Variants in RBFOX1 observed in about 807,000 individuals in gnomAD.
The protein encoded by RBFOX1 is RNA binding protein fox-1 homolog 1.
In RBFOX1, 8 loss-of-function variants were observed where a neutral mutation model predicts 57.7. That is an observed-to-expected ratio of 0.14 (90% confidence interval 0.08 to 0.25). RBFOX1 has a LOEUF of 0.25. RBFOX1 is among the 10% of genes least tolerant of loss of function. The pLI, the probability that RBFOX1 is intolerant of heterozygous loss-of-function variation, is 1.00. For synonymous variants in RBFOX1, 326 were observed against 222.4 expected (o/e 1.47, Z -4.15); for missense variants, 611 against 548.5 (o/e 1.11, Z -1.14).
chr16:6,887,888 C>T (rs1056528799), intron 3 of RBFOX1, among the ~76,000 whole-genome samples: 2 of 152,094 alleles, frequency 1.3e-5, no homozygotes, highest in African/African-American at 4.8e-5. Context: ...TCTCGAACTC[C>T]AGACTTCAAG....
At chr16:6,101,572 C>T (rs1268136055) in intron 1 of RBFOX1, among the ~76,000 whole-genome samples, 1 of 152,064 alleles carries the variant, frequency 6.6e-6, no homozygotes, top group Admixed American at 6.5e-5. Context: ...CTGCAACCTC[C>T]ACCTCCCAGG....
chr16:5,817,806 G>A (rs1386261642), intron 3 of RBFOX1, among the ~76,000 whole-genome samples: 1 of 151,258 alleles, frequency 6.6e-6, no homozygotes, highest in Admixed American at 6.6e-5. Flanking sequence ...CCATTCTCCT[G>A]CCTCAGCCTC....
rs1218678054 is a variant in RBFOX1 at position 5,816,984 on chromosome 16, C to G, written c.319-50319C>G. Among the ~76,000 whole-genome samples, 11 of 152,192 alleles carry G rather than the reference C, an allele frequency of 7.2e-5. No individual in the cohort carries two copies. In the East Asian group the frequency reaches 1.7e-3, roughly 24 times the overall value. ...TTTTGGGATCCAAACAAAAATATTT[C>G]TTCTGTCAGTCTCTCCTCTCATGCA... On this transcript the variant is annotated intron_variant, in intron 3 of 19. Coordinates refer to the RBFOX1 transcript ENST00000641259.
At chr16:6,872,416 C>T (rs186812554) in intron 3 of RBFOX1, among the ~76,000 whole-genome samples, 2 of 152,118 alleles carry the variant, frequency 1.3e-5, no homozygotes, top group East Asian at 3.9e-4. Flanking sequence ...AATCGATCAC[C>T]TTTTAACACT....
intron 1 of RBFOX1, among the ~76,000 whole-genome samples, chr16:5,421,612 C>T (rs1410936453): frequency 2.6e-5 from 4 of 152,152 alleles, no homozygotes; most frequent in East Asian, 1.9e-4. Context: ...AAATCAATCA[C>T]CCCCACCCCG....
chr16:5,587,334 C>T (rs1037551002), intron 2 of RBFOX1, among the ~76,000 whole-genome samples: 8 of 152,152 alleles, frequency 5.3e-5, no homozygotes, highest in Non-Finnish European at 1.2e-4. Flanking sequence ...AAAAGATGCT[C>T]GACATCGTCA....
At chr16:7,103,665 T>A (rs905633517) in intron 4 of RBFOX1, among the ~76,000 whole-genome samples, 1 of 152,212 alleles carries the variant, frequency 6.6e-6, no homozygotes, top group African/African-American at 2.4e-5. Context: ...ATGTCTTGTT[T>A]ACATAATAAA....
At chr16:5,564,832 A>G (rs757668583) in intron 2 of RBFOX1, among the ~76,000 whole-genome samples, 59 of 152,170 alleles carry the variant, frequency 3.9e-4, no homozygotes, top group Admixed American at 3.9e-4. Context: ...TCTCTGGTGG[A>G]TGCCATCATC....
chr16:5,462,883 G>C (rs1168941663), intron 1 of RBFOX1, among the ~76,000 whole-genome samples: 1 of 152,076 alleles, frequency 6.6e-6, no homozygotes, highest in Non-Finnish European at 1.5e-5. Context: ...CGAGCCCCAC[G>C]ACAAAGAATA....
At chr16:7,634,960 CA>C (rs1379976038) in intron 11 of RBFOX1, among the ~76,000 whole-genome samples, 1 of 152,214 alleles carries the variant, frequency 6.6e-6, no homozygotes, top group African/African-American at 2.4e-5. Context: ...AGAAACAATT[CA>C]ACCCCTTAAC....
At chr16:6,568,402 C>G (rs1376850166) in intron 2 of RBFOX1, among the ~76,000 whole-genome samples, 1 of 152,080 alleles carries the variant, frequency 6.6e-6, no homozygotes, top group Non-Finnish European at 1.5e-5. Context: ...GGATGGCTCT[C>G]TACCAAATTG....
At chr16:7,614,689 G>A (rs1568104670) in intron 10 of RBFOX1, 1 of 152,118 alleles carries the variant, frequency 6.6e-6, no homozygotes, top group Non-Finnish European at 1.5e-5. Flanking sequence ...ATTTCACAGG[G>A]GAAGTTTTAA....
chr16:6,930,324 G>C (rs1008040531), intron 3 of RBFOX1, among the ~76,000 whole-genome samples: 12 of 152,116 alleles, frequency 7.9e-5, no homozygotes, highest in African/African-American at 2.9e-4. Context: ...CACATAAGAA[G>C]ATACCTAACA....
At chr16:5,686,660 C>T (rs2050513997) in intron 3 of RBFOX1, among the ~76,000 whole-genome samples, 2 of 152,116 alleles carry the variant, frequency 1.3e-5, no homozygotes, top group Non-Finnish European at 2.9e-5. Context: ...ATTGATTTGA[C>T]CCTCAGTACT....
At chr16:5,494,119 C>T (rs576372945) in intron 2 of RBFOX1, among the ~76,000 whole-genome samples, 1 of 152,230 alleles carries the variant, frequency 6.6e-6, no homozygotes, top group African/African-American at 2.4e-5. Context: ...GCTTTGCTGT[C>T]CTGAGGCTGG....
At chr16:6,106,278 C>G (rs2096377359) in intron 1 of RBFOX1, among the ~76,000 whole-genome samples, 1 of 143,646 alleles carries the variant, frequency 7.0e-6, no homozygotes, top group South Asian at 2.3e-4. Context: ...GCCAACATGG[C>G]AAAACCCCAT....
intron 3 of RBFOX1, among the ~76,000 whole-genome samples, chr16:5,728,873 C>G (rs1015612667): frequency 1.3e-5 from 2 of 152,190 alleles, no homozygotes; most frequent in African/African-American, 4.8e-5. Context: ...GGCCAAAAGT[C>G]TGTACCTGTC....
intron 1 of RBFOX1, among the ~76,000 whole-genome samples, chr16:5,311,338 A>C (rs1270429991): frequency 6.6e-6 from 1 of 152,124 alleles, no homozygotes; most frequent in Non-Finnish European, 1.5e-5. Flanking sequence ...TATCTTTGCA[A>C]TTGTGAACTG....
chr16:7,063,299 C>A (rs529331025), intron 4 of RBFOX1, among the ~76,000 whole-genome samples: 1 of 151,994 alleles, frequency 6.6e-6, no homozygotes. Context: ...GATATTCCCC[C>A]CAACCCCAGG....
Sources: gnomAD v4.1 joint callset for allele counts (sites outside exome capture counted in the v4.1 genomes callset) on GRCh38, gnomAD v4.1.1 for gene constraint, MANE v1.5 for transcripts, NCBI Gene and HGNC (gene_info 2026-07-23, HGNC 2026-07-21) for gene names.